Variants in DIAPH3 observed in about 807,000 individuals in gnomAD.
DIAPH3 encodes the protein protein diaphanous homolog 3.
In DIAPH3, 117 loss-of-function variants were observed where a neutral mutation model predicts 144.3. The observed-to-expected ratio is 0.81, with a 90% CI of 0.70 to 0.95. DIAPH3 has a LOEUF of 0.95. Among genes scored for constraint, DIAPH3 ranks in the 40% least tolerant of loss-of-function variants. The pLI, the probability that DIAPH3 is intolerant of heterozygous loss-of-function variation, is 0.00. For missense variants in DIAPH3, 1,421 were observed against 1,412.7 expected, an observed-to-expected ratio of 1.01 and a Z score of -0.09; for synonymous variants, 519 against 488.9, an observed-to-expected ratio of 1.06 and a Z score of -0.81.
intron 3 of DIAPH3, among the ~76,000 whole-genome samples, chr13:60,094,636 C>A (rs1204331355): frequency 6.6e-6 from 1 of 152,084 alleles, no homozygotes; most frequent in Non-Finnish European, 1.5e-5. Context: ...CAGAATGGAT[C>A]CATAAAATTC....
At position 60,156,192 on chromosome 13, in the gene DIAPH3, C is replaced by G. The variant is rs184052156; in HGVS notation, c.180+7395G>C. On this transcript the variant is annotated intron_variant, in intron 1 of 27. Transcript: ENST00000400324. The stretch of plus-strand genomic sequence containing the variant: ...CATTACCAATCTCTGCCTCTGCAGT[C>G]ACAACACTCTCTCCTCTTCTGTGGT... 1.1e-4 allele frequency among the ~76,000 whole-genome samples: 17 copies of G among 152,310 alleles called. No individual in the cohort carries two copies. The East Asian group carries it at 2.7e-3, about 24-fold the overall frequency.
chr13:60,156,198 ACTCT>A (rs981020177), intron 1 of DIAPH3, among the ~76,000 whole-genome samples: 7 of 151,720 alleles, frequency 4.6e-5, no homozygotes, highest in African/African-American at 1.5e-4. Context: ...CAGTCACAAC[ACTCT>A]CTCCTCTTCT....
At chr13:60,015,833 T>C (rs2053604165) in intron 7 of DIAPH3, 80 bp downstream of exon 7, 2 of 1,242,256 alleles carry the variant, frequency 1.6e-6, no homozygotes, top group African/African-American at 1.5e-5. Flanking sequence ...ATCAGAACAA[T>C]TTACCATCAC....
chr13:59,969,026 T>G (rs76892928), intron 17 of DIAPH3, among the ~76,000 whole-genome samples: 2,889 of 152,212 alleles, frequency 0.019, 86 homozygotes, highest in African/African-American at 0.065. Flanking sequence ...TTTTGAAAAT[T>G]AAAAGGTAAT....
chr13:59,852,804 A>G (rs1228459989), intron 22 of DIAPH3, among the ~76,000 whole-genome samples: 2 of 152,220 alleles, frequency 1.3e-5, no homozygotes, highest in Non-Finnish European at 2.9e-5. Flanking sequence ...GAATCTGTTC[A>G]AATTTCTGAC....
chr13:59,988,253 TC>T (rs1247562747), intron 12 of DIAPH3, among the ~76,000 whole-genome samples: 1 of 151,846 alleles, frequency 6.6e-6, no homozygotes. Flanking sequence ...AGACATTATC[TC>T]CCATCCCCAA....
chr13:60,090,147 C>T (rs949306112), intron 4 of DIAPH3, among the ~76,000 whole-genome samples: 2 of 152,168 alleles, frequency 1.3e-5, no homozygotes, highest in African/African-American at 4.8e-5. Flanking sequence ...TCTCAAAAAC[C>T]CCAAAGTGGA....
intron 4 of DIAPH3, among the ~76,000 whole-genome samples, chr13:60,087,867 G>A (rs74566230): frequency 2.6e-5 from 4 of 151,940 alleles, no homozygotes; most frequent in African/African-American, 7.3e-5. Flanking sequence ...GCTATCCTTC[G>A]ATATCAGCTC....
At chr13:60,096,873 C>T (rs2058118482) in intron 3 of DIAPH3, among the ~76,000 whole-genome samples, 1 of 152,136 alleles carries the variant, frequency 6.6e-6, no homozygotes, top group Non-Finnish European at 1.5e-5. Context: ...AAACTTGGGG[C>T]CTTAACTGAG....
chr13:59,856,262 T>C (rs543920534), intron 22 of DIAPH3, among the ~76,000 whole-genome samples: 2 of 152,202 alleles, frequency 1.3e-5, no homozygotes, highest in African/African-American at 4.8e-5. Context: ...TGAAAAACCA[T>C]TCAGTATAGG....
chr13:59,826,187 T>G (rs528938236), intron 24 of DIAPH3, among the ~76,000 whole-genome samples: 153 of 150,020 alleles, frequency 1.0e-3, no homozygotes, highest in East Asian at 9.9e-3. Flanking sequence ...CCAGGGCAAT[T>G]AGGCAGGAGA....
intron 21 of DIAPH3, among the ~76,000 whole-genome samples, chr13:59,876,911 A>G (rs1187181495): frequency 6.6e-6 from 1 of 152,056 alleles, no homozygotes; most frequent in Non-Finnish European, 1.5e-5. Context: ...TGAATCTGCC[A>G]TTCTTGCTTG....
At chr13:59,969,754 CT>C (rs954684693) in intron 17 of DIAPH3, among the ~76,000 whole-genome samples, 189 bp downstream of exon 17, 28 of 151,928 alleles carry the variant, frequency 1.8e-4, no homozygotes, top group African/African-American at 6.8e-4. Context: ...TTATATTAAC[CT>C]TTTGCATTTT....
chr13:60,163,459 CT>C (rs1425902515), intron 1 of DIAPH3, 127 bp downstream of exon 1: 2 of 1,311,588 alleles, frequency 1.5e-6, no homozygotes, highest in African/African-American at 3.0e-5. Flanking sequence ...CGTTGTCAAT[CT>C]ATGATCTTTG....
At chr13:60,153,063 A>T (rs545718540) in intron 1 of DIAPH3, among the ~76,000 whole-genome samples, 1 of 152,070 alleles carries the variant, frequency 6.6e-6, no homozygotes, top group Admixed American at 6.5e-5. Flanking sequence ...CTCTATAACC[A>T]TGTTCTCTCA....
At chr13:59,759,422 C>T (rs1315611767) in intron 27 of DIAPH3, among the ~76,000 whole-genome samples, 1 of 152,148 alleles carries the variant, frequency 6.6e-6, no homozygotes, top group African/African-American at 2.4e-5. Flanking sequence ...ATGCAGAAGA[C>T]ACAGAGTTAA....
intron 27 of DIAPH3, among the ~76,000 whole-genome samples, chr13:59,767,178 A>G (rs1593796140): frequency 6.6e-6 from 1 of 152,182 alleles, no homozygotes; most frequent in East Asian, 1.9e-4. Flanking sequence ...TGCTCAGTGA[A>G]CCTCCACAGT....
intron 27 of DIAPH3, among the ~76,000 whole-genome samples, chr13:59,742,195 C>A (rs1374649517): frequency 6.6e-6 from 1 of 152,080 alleles, no homozygotes; most frequent in African/African-American, 2.4e-5. Context: ...CTACCTGGCC[C>A]CACCCTAGAC....
chr13:59,725,243 G>A (rs2138938526), intron 27 of DIAPH3, among the ~76,000 whole-genome samples: 2 of 152,288 alleles, frequency 1.3e-5, no homozygotes, highest in East Asian at 3.9e-4. Context: ...GAAAAGCTAA[G>A]GAAGACTTAG....
Sources: gnomAD v4.1 joint callset for allele counts (sites outside exome capture counted in the v4.1 genomes callset) on GRCh38, gnomAD v4.1.1 for gene constraint, MANE v1.5 for transcripts, NCBI Gene and HGNC (gene_info 2026-07-23, HGNC 2026-07-21) for gene names.